CCDC25: variants seen among roughly 807,000 people sequenced by gnomAD.
CCDC25 encodes coiled-coil domain-containing protein 25.
A neutral mutation model predicts 35.3 loss-of-function variants in CCDC25; 16 were observed. The ratio of observed to expected loss-of-function variants is 0.45; its 90% CI spans 0.31 to 0.69. The LOEUF is 0.69. CCDC25 is among the 30% of genes least tolerant of loss of function. The pLI is 0.06. For synonymous variants in CCDC25, 79 were observed against 80.3 expected, an observed-to-expected ratio of 0.98 and a Z score of 0.09; for missense variants, 179 against 250.7, an observed-to-expected ratio of 0.71 and a Z score of 1.93.
At chr8:27,768,625 A>C (rs1004718317) in intron 1 of CCDC25, among the ~76,000 whole-genome samples, 2 of 152,132 alleles carry the variant, frequency 1.3e-5, no homozygotes, top group African/African-American at 2.4e-5. Context: ...GCTGCACAAC[A>C]AGTCTGAATT....
chr8:27,759,076 A>G (rs1027694126), intron 3 of CCDC25, among the ~76,000 whole-genome samples: 5 of 152,190 alleles, frequency 3.3e-5, no homozygotes, highest in Non-Finnish European at 7.4e-5. Context: ...ACATTTATTC[A>G]AAGTTTAAAT....
intron 3 of CCDC25, among the ~76,000 whole-genome samples, chr8:27,761,814 C>A (rs1254126086): frequency 6.6e-6 from 1 of 152,072 alleles, no homozygotes; most frequent in Non-Finnish European, 1.5e-5. Flanking sequence ...TAAATGAAGT[C>A]TTTTTGTTTG....
At chr8:27,753,198 A>T (rs1803879460) in intron 4 of CCDC25, among the ~76,000 whole-genome samples, 1 of 152,158 alleles carries the variant, frequency 6.6e-6, no homozygotes, top group Non-Finnish European at 1.5e-5. Flanking sequence ...CCTTTTACAG[A>T]TGCAGAAACA....
intron 8 of CCDC25, 132 bp from the exon 9 acceptor site, chr8:27,736,377 G>T: frequency 1.5e-6 from 1 of 681,344 alleles, no homozygotes; most frequent in Non-Finnish European, 2.5e-6. Context: ...TAACTAAATT[G>T]ACTCATCACT....
Position 27,734,533 on chromosome 8 carries a change from G to C in CCDC25, c.*1683C>G, listed in dbSNP as rs1354265429. 3 of 152,114 alleles carry C rather than the reference G, an allele frequency of 2.0e-5. No homozygotes were observed. The East Asian group carries it at 5.8e-4, about 29-fold the overall frequency. 9.4% of individuals were successfully genotyped at this position (152,114 alleles called of 1,614,324 possible). A position where few individuals can be genotyped will look rare whatever the true frequency, so the allele number is the denominator to read the frequency against. ...CCTTGCTTTCCCTGGGACCAACAGA[G>C]ATGGGGAAAAAAATAAAACAAAGAG... On this transcript the variant is annotated 3_prime_UTR_variant, in exon 9 of 9. Transcript: ENST00000356537.
chr8:27,765,278 A>G, intron 1 of CCDC25, 27 bp from the exon 2 acceptor site: 1 of 1,423,628 alleles, frequency 7.0e-7, no homozygotes. Flanking sequence ...ATAAAAAACA[A>G]TTAGTAACTT....
At chr8:27,762,171 C>T (rs1414532708) in intron 3 of CCDC25, among the ~76,000 whole-genome samples, 2 of 152,106 alleles carry the variant, frequency 1.3e-5, no homozygotes, top group East Asian at 1.9e-4. Context: ...CTTACTATGG[C>T]GTGGAGACAA....
intron 5 of CCDC25, among the ~76,000 whole-genome samples, chr8:27,748,879 T>C (rs565063142): frequency 2.6e-5 from 4 of 151,902 alleles, no homozygotes; most frequent in African/African-American, 7.3e-5. Flanking sequence ...AAATTTATCA[T>C]TGAGTTTTTT....
Position 27,735,841 on chromosome 8 carries a change from A to G in CCDC25, c.*375T>C, listed in dbSNP as rs1803204192. 1.2e-5 allele frequency: 2 copies of G among 167,972 alleles called. No individual in the cohort carries two copies. The highest frequency in any genetic ancestry group is 4.7e-5 in the African/African-American group (2 of 42,122). The allele number at this position is 167,972 out of a possible 1,614,324, so 10.4% of individuals were successfully genotyped here. ...CAGAAGTGAAGATTATTTTAAGAAT[A>G]TGAAAAGTGTTTCAAGACATCTGTT... On this transcript the variant is annotated 3_prime_UTR_variant, in exon 9 of 9. Transcript: ENST00000356537.
At chr8:27,762,672 A>G (rs565645591) in intron 2 of CCDC25, among the ~76,000 whole-genome samples, 35 of 152,248 alleles carry the variant, frequency 2.3e-4, no homozygotes, top group Admixed American at 1.6e-3. Context: ...ATAAATTTAT[A>G]TAATACTTCT....
chr8:27,759,158 A>T (rs1457774578), intron 3 of CCDC25, among the ~76,000 whole-genome samples: 1 of 152,194 alleles, frequency 6.6e-6, no homozygotes, highest in African/African-American at 2.4e-5. Flanking sequence ...CAGAGACCAG[A>T]AGCTTCACTA....
intron 1 of CCDC25, chr8:27,771,988 G>T (rs529842583): frequency 7.1e-5 from 11 of 154,144 alleles, no homozygotes; most frequent in Non-Finnish European, 1.6e-4. Context: ...TCAACTGCCC[G>T]GAGAGTGGCT....
In CCDC25 at chr8:27,735,435, T is replaced by A. The variant is rs542247506; in HGVS notation, c.*781A>T. On this transcript the variant is annotated 3_prime_UTR_variant, in exon 9 of 9. Transcript: ENST00000356537. ...AATCAGGTAACCTACATCTCCCAAA[T>A]GATCAACAGAGCACTCCATCCTATT... 6.6e-6 allele frequency: 1 copy of A among 152,184 alleles called. No individual in the cohort carries two copies. Among genetic ancestry groups the A allele is most frequent in the Non-Finnish European group, 1.5e-5 (1 of 68,034 alleles). The allele number at this position is 152,184 out of a possible 1,614,324, so 9.4% of individuals were successfully genotyped here.
intron 8 of CCDC25, 145 bp from the exon 9 acceptor site, chr8:27,736,390 TC>T (rs1159623417): frequency 3.0e-6 from 2 of 659,514 alleles, no homozygotes; most frequent in African/African-American, 3.7e-5. Flanking sequence ...TCATCACTTC[TC>T]CGCCTTAAGT....
intron 4 of CCDC25, among the ~76,000 whole-genome samples, chr8:27,755,650 C>T (rs185544058): frequency 6.6e-6 from 1 of 152,274 alleles, no homozygotes; most frequent in East Asian, 1.9e-4. Flanking sequence ...ACTGGCCAGG[C>T]CATCAAGGCT....
At chr8:27,763,892 T>C (rs1563458775) in intron 2 of CCDC25, among the ~76,000 whole-genome samples, 1 of 151,896 alleles carries the variant, frequency 6.6e-6, no homozygotes, top group Admixed American at 6.6e-5. Context: ...ACACTATGAG[T>C]TTTCTGAAAG....
chr8:27,747,935 A>T, intron 7 of CCDC25, 142 bp downstream of exon 7: 1 of 779,556 alleles, frequency 1.3e-6, no homozygotes, highest in South Asian at 1.8e-5. Context: ...TTTTTTAAAA[A>T]ACTGATTTAA....
intron 2 of CCDC25, among the ~76,000 whole-genome samples, chr8:27,763,516 G>A (rs1804296017): frequency 6.6e-6 from 1 of 152,176 alleles, no homozygotes; most frequent in South Asian, 2.1e-4. Context: ...TCAGGAGTTT[G>A]AGACCAGCTT....
intron 1 of CCDC25, among the ~76,000 whole-genome samples, chr8:27,770,681 G>T (rs1450342067): frequency 6.6e-6 from 1 of 150,888 alleles, no homozygotes; most frequent in Non-Finnish European, 1.5e-5. Flanking sequence ...AGAGGTTGCA[G>T]TGAGCCGAGA....
Sources: gnomAD v4.1 joint callset for allele counts (sites outside exome capture counted in the v4.1 genomes callset) on GRCh38, gnomAD v4.1.1 for gene constraint, MANE v1.5 for transcripts, NCBI Gene and HGNC (gene_info 2026-07-23, HGNC 2026-07-21) for gene names.